PTPRM: variants seen among roughly 807,000 people sequenced by gnomAD.
PTPRM encodes the protein receptor-type tyrosine-protein phosphatase mu.
In PTPRM, 47 loss-of-function variants were observed where a neutral mutation model predicts 186.7. That is an observed-to-expected ratio of 0.25 (90% CI 0.20 to 0.32). PTPRM has a LOEUF of 0.32. Among genes scored for constraint, PTPRM ranks in the 10% least tolerant of loss-of-function variants. PTPRM has a pLI of 1.00. For missense variants in PTPRM, 1,494 were observed against 1,865.0 expected, an observed-to-expected ratio of 0.80 and a Z score of 3.66; for synonymous variants, 668 against 674.9, an observed-to-expected ratio of 0.99 and a Z score of 0.16.
At chr18:7,598,120 A>G (rs2037312127) in intron 1 of PTPRM, among the ~76,000 whole-genome samples, 1 of 152,220 alleles carries the variant, frequency 6.6e-6, no homozygotes, top group Non-Finnish European at 1.5e-5. Flanking sequence ...AAAGCTATGT[A>G]TTTAAAACTA....
chr18:7,614,004 G>A (rs971634708), intron 1 of PTPRM, among the ~76,000 whole-genome samples: 1 of 152,138 alleles, frequency 6.6e-6, no homozygotes, highest in South Asian at 2.1e-4. Flanking sequence ...ATGACTTAGT[G>A]GGGGGATTGC....
chr18:7,745,274 G>T (rs78161739), intron 1 of PTPRM, among the ~76,000 whole-genome samples: 70 of 152,212 alleles, frequency 4.6e-4, no homozygotes, highest in African/African-American at 1.6e-3. Flanking sequence ...CATATATCTG[G>T]CCAGCTATTT....
chr18:7,973,965 G>GT (rs559293752), intron 7 of PTPRM, among the ~76,000 whole-genome samples: 265 of 147,834 alleles, frequency 1.8e-3, no homozygotes, highest in Middle Eastern at 6.8e-3. Context: ...TGAGATTCTG[G>GT]TAAAAAAAAA....
At chr18:7,917,403 G>C (rs1436382076) in intron 4 of PTPRM, among the ~76,000 whole-genome samples, 1 of 152,118 alleles carries the variant, frequency 6.6e-6, no homozygotes, top group East Asian at 1.9e-4. Flanking sequence ...AGGCGTGGTG[G>C]CAGGCGCCTG....
chr18:7,939,693 G>T (rs936924266), intron 5 of PTPRM, among the ~76,000 whole-genome samples: 2 of 152,058 alleles, frequency 1.3e-5, no homozygotes, highest in Non-Finnish European at 2.9e-5. Flanking sequence ...CAGGACATTC[G>T]GTCACTGTGC....
intron 1 of PTPRM, among the ~76,000 whole-genome samples, chr18:7,585,449 TG>T: frequency 6.6e-6 from 1 of 152,198 alleles, no homozygotes; most frequent in Non-Finnish European, 1.5e-5. Flanking sequence ...TCTTCCCTTC[TG>T]TCCCATGCAG....
At chr18:7,984,602 T>TATATATATACACACAC (rs1214502563) in intron 7 of PTPRM, among the ~76,000 whole-genome samples, 10 of 87,174 alleles carry the variant, frequency 1.1e-4, no homozygotes, top group Non-Finnish European at 1.7e-4. Flanking sequence ...TATATATATA[T>TATATATATACACACAC]ACACACACAC....
chr18:7,984,572 CAT>C (rs71354583), intron 7 of PTPRM, among the ~76,000 whole-genome samples: 11,327 of 88,252 alleles, frequency 0.13, 740 homozygotes, highest in Middle Eastern at 0.19. Flanking sequence ...ATATATGCCC[CAT>C]ATATATATAT....
At chr18:8,317,147 G>T (rs1054089247) in intron 21 of PTPRM, among the ~76,000 whole-genome samples, 2 of 151,520 alleles carry the variant, frequency 1.3e-5, no homozygotes, top group African/African-American at 2.4e-5. Flanking sequence ...ACTGCACTTG[G>T]CCAGGAGAGG....
chr18:8,169,221 C>G (rs2093363746), intron 14 of PTPRM, among the ~76,000 whole-genome samples: 4 of 152,030 alleles, frequency 2.6e-5, no homozygotes, highest in African/African-American at 9.7e-5. Context: ...ATTGTATATT[C>G]ATTTTCTTTC....
intron 7 of PTPRM, among the ~76,000 whole-genome samples, chr18:7,999,664 C>T (rs1425598196): frequency 6.6e-6 from 1 of 151,586 alleles, no homozygotes; most frequent in Non-Finnish European, 1.5e-5. Context: ...TTTGCACCAA[C>T]CTAATATAAT....
intron 13 of PTPRM, among the ~76,000 whole-genome samples, chr18:8,135,226 C>T (rs2092609992): frequency 6.6e-6 from 1 of 152,118 alleles, no homozygotes; most frequent in East Asian, 1.9e-4. Flanking sequence ...ACGTTTGCCT[C>T]TTCATTGTAT....
intron 14 of PTPRM, among the ~76,000 whole-genome samples, chr18:8,182,000 G>A (rs12955911): frequency 0.61 from 92,177 of 151,902 alleles, 28,622 homozygotes; most frequent in Middle Eastern, 0.72. Flanking sequence ...GCTTACCTTA[G>A]GAGCTAGCTG....
intron 2 of PTPRM, among the ~76,000 whole-genome samples, chr18:7,826,695 A>G (rs1483020737): frequency 1.3e-5 from 2 of 152,272 alleles, no homozygotes; most frequent in African/African-American, 4.8e-5. Context: ...TTATCAAACA[A>G]AATAAAAGTA....
intron 29 of PTPRM, 34 bp from the exon 30 acceptor site, chr18:8,384,527 T>C: frequency 6.2e-7 from 1 of 1,612,372 alleles, no homozygotes. Context: ...TTTCCTCTTA[T>C]AACTAACCTT....
At chr18:8,384,740 C>G in intron 30 of PTPRM, 54 bp downstream of exon 30, 1 of 1,601,494 alleles carries the variant, frequency 6.2e-7, no homozygotes, top group Non-Finnish European at 8.5e-7. Context: ...TTTTCTCACT[C>G]ACTGAATACT....
intron 7 of PTPRM, among the ~76,000 whole-genome samples, chr18:8,048,786 C>T (rs1025021694): frequency 3.9e-5 from 6 of 152,110 alleles, no homozygotes; most frequent in African/African-American, 1.4e-4. Flanking sequence ...TTAAGTAACA[C>T]TTATCTGCTT....
intron 1 of PTPRM, among the ~76,000 whole-genome samples, chr18:7,664,370 A>G (rs1431633676): frequency 6.6e-6 from 1 of 152,202 alleles, no homozygotes; most frequent in East Asian, 1.9e-4. Context: ...ACACATATTC[A>G]CAGATAAAAT....
intron 5 of PTPRM, among the ~76,000 whole-genome samples, chr18:7,935,554 G>T (rs1383562555): frequency 1.3e-5 from 2 of 152,152 alleles, no homozygotes; most frequent in East Asian, 3.8e-4. Context: ...TAAGCAACAG[G>T]TGCTGTAGGA....
Sources: gnomAD v4.1 joint callset for allele counts (sites outside exome capture counted in the v4.1 genomes callset) on GRCh38, gnomAD v4.1.1 for gene constraint, MANE v1.5 for transcripts, NCBI Gene and HGNC (gene_info 2026-07-23, HGNC 2026-07-21) for gene names.